The following PFKL variants were observed in gnomAD, a reference collection of about 807,000 sequenced individuals.
The protein encoded by PFKL is phosphofructokinase, liver type.
Under a neutral mutation model 92.1 loss-of-function variants are expected in PFKL, and 74 were observed. That is an observed-to-expected ratio of 0.80 (90% CI 0.67 to 0.97). The LOEUF is 0.97. Ranked by LOEUF, PFKL falls within the 50% of genes least tolerant of loss-of-function variation. The probability of loss-of-function intolerance (pLI) is 0.00; values close to 1 mark genes in which losing one functional copy is unlikely to be tolerated. For synonymous variants in PFKL, 494 were observed against 456.4 expected, an observed-to-expected ratio of 1.08 and a Z score of -1.05; for missense variants, 1,028 against 1,116.6, an observed-to-expected ratio of 0.92 and a Z score of 1.13.
chr21:44,306,702 CTG>C lies in PFKL; in HGVS notation c.110_111del (p.Val37AspfsTer19). ...ACAGGCATGAACGCTGCTGTCCGGG[CTG>C]TGACGCGCATGGGCATTTATGTGGG... On this transcript the variant is annotated frameshift_variant, in exon 2 of 22. Transcript: ENST00000349048. LOFTEE classifies it high-confidence loss of function. The C allele has an allele frequency of 6.2e-7, 1 of 1,613,856 alleles. No individual in the cohort carries two copies. The highest frequency in any genetic ancestry group is 8.5e-7 in the Non-Finnish European group (1 of 1,179,930).
At chr21:44,300,705 G>A (rs982736918) in intron 1 of PFKL, among the ~76,000 whole-genome samples, 1 of 152,262 alleles carries the variant, frequency 6.6e-6, no homozygotes, top group Non-Finnish European at 1.5e-5. Flanking sequence ...TCTAGCTGGG[G>A]AAGAGGGCGG....
chr21:44,323,560 C>T (rs1405571644), intron 15 of PFKL, among the ~76,000 whole-genome samples: 2 of 152,128 alleles, frequency 1.3e-5, no homozygotes, highest in East Asian at 1.9e-4. Context: ...CCTTAGAGTC[C>T]AGTTTCCCTG....
chr21:44,305,653 C>G, intron 1 of PFKL: 1 of 875,690 alleles, frequency 1.1e-6, no homozygotes, highest in Non-Finnish European at 1.6e-6. Context: ...GGGTTTCCTC[C>G]TCTCTGAAGA....
At position 44,323,014 on chromosome 21, in the gene PFKL, G is replaced by A. The variant is rs2047398647; in HGVS notation, c.1462G>A (p.Gly488Ser). 1 of 1,613,250 alleles carries A rather than the reference G, an allele frequency of 6.2e-7. No homozygotes were observed. The highest frequency in any genetic ancestry group is 8.5e-7 in the Non-Finnish European group (1 of 1,179,744). ...ESIVENIRIY[G>S]IHALLVVGGF... ...CATTGTGGAGAACATCCGCATCTAT[G>A]GTATTCACGCCCTGCTGGTGGTCGG... Residue 488 changes from glycine to serine, a missense_variant, in exon 15 of 22, where the codon GGT becomes AGT. By Grantham distance (56) the Gly-to-Ser change is moderately conservative. Coordinates refer to ENST00000349048, the MANE Select transcript of PFKL (RefSeq NM_002626.6).
rs2047526074 is a variant in PFKL at position 44,326,745 on chromosome 21, G to A, written c.2226G>A (p.Leu742=). The A allele has an allele frequency of 6.2e-7, 1 of 1,611,428 alleles. No individual in the cohort carries two copies. The highest frequency in any genetic ancestry group is 1.3e-5 in the African/African-American group (1 of 74,890). The change falls in exon 22 of 22, where the codon CTG becomes CTA. Residue 742 remains leucine (L), a synonymous_variant. Transcript: ENST00000349048. ...EHRMPREQWW[L]SLRLMLKMLA... Reference sequence around the variant, plus strand: ...GCATGCCACGGGAGCAGTGGTGGCTGAGCCTGCGGCTCATGCTGAAGATGC... The same window carrying A: ...GCATGCCACGGGAGCAGTGGTGGCTAAGCCTGCGGCTCATGCTGAAGATGC...
At chr21:44,320,524 G>C (rs1055229036) in intron 12 of PFKL, 1 of 167,962 alleles carries the variant, frequency 6.0e-6, no homozygotes, top group Non-Finnish European at 1.3e-5. Context: ...TCAGGAGTTC[G>C]AGACCAGCCT....
At chr21:44,313,837 C>G in intron 6 of PFKL, 76 bp from the exon 7 acceptor site, 1 of 1,342,108 alleles carries the variant, frequency 7.5e-7, no homozygotes, top group South Asian at 1.3e-5. Context: ...GGCCCAGAGT[C>G]GGACCTCTGG....
intron 2 of PFKL, among the ~76,000 whole-genome samples, chr21:44,310,499 T>C (rs1321372936): frequency 6.6e-6 from 1 of 152,140 alleles, no homozygotes; most frequent in East Asian, 1.9e-4. Context: ...GGGCAGATGG[T>C]AGCCTGGGCT....
intron 14 of PFKL, 62 bp downstream of exon 14, chr21:44,322,265 C>A: frequency 6.8e-7 from 1 of 1,480,014 alleles, no homozygotes; most frequent in Non-Finnish European, 9.2e-7. Context: ...CCAGGCCCTG[C>A]AGGTGGGGGC....
At chr21:44,321,929 T>G in intron 13 of PFKL, 54 bp downstream of exon 13, 1 of 1,511,650 alleles carries the variant, frequency 6.6e-7, no homozygotes, top group Non-Finnish European at 8.9e-7. Context: ...TGTGCACACT[T>G]GGGGCATTTC....
At chr21:44,305,805 T>G (rs745483570) in intron 1 of PFKL, 1 of 1,366,886 alleles carries the variant, frequency 7.3e-7, no homozygotes, top group Non-Finnish European at 9.8e-7. Flanking sequence ...TCCAGGAAAC[T>G]GGCTTTGCCA....
intron 1 of PFKL, among the ~76,000 whole-genome samples, chr21:44,301,778 A>C (rs1372006577): frequency 6.6e-6 from 1 of 152,220 alleles, no homozygotes; most frequent in Non-Finnish European, 1.5e-5. Context: ...CCTGAAACAC[A>C]GAGGGTCCCC....
chr21:44,317,161 G>A (rs1020425299), intron 9 of PFKL, among the ~76,000 whole-genome samples: 3 of 152,234 alleles, frequency 2.0e-5, no homozygotes, highest in Non-Finnish European at 4.4e-5. Context: ...GGGCCAGGAA[G>A]GCACCATGGT....
At position 44,324,938 on chromosome 21, in the gene PFKL, T is replaced by C. The variant is rs2876959; in HGVS notation, c.1877+21T>C. 0.019 allele frequency: 30,314 copies of C among 1,586,744 alleles called. 3,741 individuals are homozygous for C. In the African/African-American group the frequency reaches 0.31, roughly 16 times the overall value. ...CTGCGGTGAGGCTGCCGTGGGTCCC[T>C]GGCCACAGCTGCGCGTCCAACTCTC... On this transcript the variant is annotated intron_variant, in intron 18 of 21. Coordinates refer to ENST00000349048, the MANE Select transcript of PFKL (RefSeq NM_002626.6).
Position 44,300,181 on chromosome 21 carries a change from G to A in PFKL, c.76G>A (p.Asp26Asn). The A allele has an allele frequency of 2.6e-6, 3 of 1,146,754 alleles. No individual in the cohort carries two copies. The highest frequency in any genetic ancestry group is 2.3e-5 in the South Asian group (1 of 43,218). The allele number at this position is 1,146,754 out of a possible 1,614,324, so 71.0% of individuals were successfully genotyped here. ...CATCGGCGTCCTGACCAGCGGCGGC[G>A]ACGCGCAAGGTGGGCGGGGGTCCCG... is the stretch of plus-strand genomic sequence containing the variant. ...KAIGVLTSGG[D>N]AQGMNAAVRA... Residue 26 changes from aspartate (D) to asparagine (N), a missense_variant, in exon 1 of 22, where the codon GAC becomes AAC. By Grantham distance (23) the Asp-to-Asn change is conservative. Coordinates refer to ENST00000349048, the MANE Select transcript of PFKL (RefSeq NM_002626.6).
chr21:44,318,372 G>T (rs1286157809), intron 9 of PFKL, 98 bp from the exon 10 acceptor site: 6 of 1,285,494 alleles, frequency 4.7e-6, no homozygotes, highest in Non-Finnish European at 6.1e-6. Context: ...CAGCGTGGGG[G>T]GCTCTGGAAG....
chr21:44,309,918 C>T (rs12483184), intron 2 of PFKL, among the ~76,000 whole-genome samples: 13,414 of 152,288 alleles, frequency 0.088, 645 homozygotes, highest in African/African-American at 0.12. Flanking sequence ...GATGTTCATG[C>T]GCCCCGCAGC....
At chr21:44,307,559 C>CCTCACTG (rs1225688963) in intron 2 of PFKL, among the ~76,000 whole-genome samples, 3 of 152,240 alleles carry the variant, frequency 2.0e-5, no homozygotes, top group Non-Finnish European at 2.9e-5. Flanking sequence ...GCCCCACCCC[C>CCTCACTG]CTCACTGCTC....
At chr21:44,308,750 C>T (rs62220386) in intron 2 of PFKL, among the ~76,000 whole-genome samples, 22,140 of 151,772 alleles carry the variant, frequency 0.15, 1,770 homozygotes, top group East Asian at 0.37. Flanking sequence ...TTAGTAGAGA[C>T]GGGGTTTCAC....
Sources: gnomAD v4.1 joint callset for allele counts (sites outside exome capture counted in the v4.1 genomes callset) on GRCh38, gnomAD v4.1.1 for gene constraint, MANE v1.5 for transcripts, NCBI Gene and HGNC (gene_info 2026-07-23, HGNC 2026-07-21) for gene names.